Variants in RTN1 observed in about 807,000 individuals in gnomAD.
The protein encoded by RTN1 is reticulon 1, also known as reticulon-1.
A neutral mutation model predicts 65.5 loss-of-function variants in RTN1; 25 were observed. That is an observed-to-expected ratio of 0.38 (90% CI 0.28 to 0.53). RTN1 has a LOEUF of 0.53. Ranked by LOEUF, RTN1 falls within the 20% of genes least tolerant of loss-of-function variation. The probability of loss-of-function intolerance (pLI) is 0.79; values close to 1 mark genes in which losing one functional copy is unlikely to be tolerated. For synonymous variants in RTN1, 471 were observed against 447.6 expected (o/e 1.05, Z -0.66); for missense variants, 983 against 1,025.4 (o/e 0.96, Z 0.57).
At chr14:59,639,045 C>A (rs1882722969) in intron 3 of RTN1, among the ~76,000 whole-genome samples, 1 of 152,022 alleles carries the variant, frequency 6.6e-6, no homozygotes, top group Admixed American at 6.5e-5. Flanking sequence ...CACTTAGAAG[C>A]CACTGTAGGG....
At chr14:59,617,680 G>A (rs1465788239) in intron 3 of RTN1, among the ~76,000 whole-genome samples, 1 of 152,126 alleles carries the variant, frequency 6.6e-6, no homozygotes, top group African/African-American at 2.4e-5. Context: ...GCAAATCTTT[G>A]CTTTTAAAAC....
intron 1 of RTN1, among the ~76,000 whole-genome samples, chr14:59,807,776 C>T (rs1886663418): frequency 6.6e-6 from 1 of 152,112 alleles, no homozygotes; most frequent in South Asian, 2.1e-4. Context: ...CAAGAATGAC[C>T]AGACAAGTTA....
intron 3 of RTN1, among the ~76,000 whole-genome samples, chr14:59,676,030 T>C (rs1396989884): frequency 2.6e-5 from 4 of 152,192 alleles, no homozygotes; most frequent in African/African-American, 9.6e-5. Flanking sequence ...TCTCTTTGTT[T>C]TCTTGTTTGC....
chr14:59,797,101 C>T (rs536958434), intron 1 of RTN1, among the ~76,000 whole-genome samples: 1 of 152,230 alleles, frequency 6.6e-6, no homozygotes, highest in African/African-American at 2.4e-5. Flanking sequence ...TTAATATAAG[C>T]TCTTTGCTTC....
chr14:59,827,154 C>T (rs2139635839), intron 1 of RTN1, among the ~76,000 whole-genome samples: 1 of 152,290 alleles, frequency 6.6e-6, no homozygotes, highest in African/African-American at 2.4e-5. Context: ...TCTCGGCTCA[C>T]TGCGAGCTCT....
intron 3 of RTN1, among the ~76,000 whole-genome samples, chr14:59,668,264 C>G (rs947795176): frequency 5.9e-5 from 9 of 152,048 alleles, no homozygotes; most frequent in Non-Finnish European, 1.0e-4. Context: ...ATTTATAGAC[C>G]AATGGAACAG....
chr14:59,823,399 T>C (rs1193202678), intron 1 of RTN1, among the ~76,000 whole-genome samples: 1 of 152,260 alleles, frequency 6.6e-6, no homozygotes, highest in Non-Finnish European at 1.5e-5. Context: ...TTTGAGCCTA[T>C]GGGTGTCACT....
intron 3 of RTN1, among the ~76,000 whole-genome samples, chr14:59,689,315 A>G (rs1883909825): frequency 6.6e-6 from 1 of 152,234 alleles, no homozygotes; most frequent in Admixed American, 6.5e-5. Context: ...GGGATTAGGT[A>G]AAGTTACTAA....
intron 3 of RTN1, among the ~76,000 whole-genome samples, chr14:59,716,130 T>C (rs1375529366): frequency 6.6e-6 from 1 of 152,196 alleles, no homozygotes; most frequent in Non-Finnish European, 1.5e-5. Context: ...TTTACATCTA[T>C]ATACATTTTT....
chr14:59,823,699 T>C (rs1452547850), intron 1 of RTN1, among the ~76,000 whole-genome samples: 1 of 152,198 alleles, frequency 6.6e-6, no homozygotes, highest in Non-Finnish European at 1.5e-5. Context: ...TAGCTGCCTT[T>C]GAGGGTTTTT....
intron 1 of RTN1, among the ~76,000 whole-genome samples, chr14:59,809,405 AT>A (rs573795123): frequency 2.6e-3 from 378 of 144,440 alleles, no homozygotes; most frequent in South Asian, 0.013. Context: ...TTCTAGTGTC[AT>A]TTTTTTTTTT....
At chr14:59,788,931 T>A (rs887333671) in intron 1 of RTN1, among the ~76,000 whole-genome samples, 1 of 152,170 alleles carries the variant, frequency 6.6e-6, no homozygotes, top group African/African-American at 2.4e-5. Flanking sequence ...CTCTTTATTT[T>A]ATAATTTTCC....
rs1884462274 is a variant in RTN1, at chr14:59,713,254, T to C, written c.1765+13665A>G. Among the ~76,000 whole-genome samples, 3 of 152,026 alleles carry C rather than the reference T, an allele frequency of 2.0e-5. No individual in the cohort carries two copies. The South Asian group carries it at 6.2e-4, about 32-fold the overall frequency. Reference sequence around the variant, plus strand: ...CGATACGGTGTCTTGAGGGAGGGAATCTAGACAAGGGGCCACTGGTGGGGG... The same window carrying C: ...CGATACGGTGTCTTGAGGGAGGGAACCTAGACAAGGGGCCACTGGTGGGGG... On this transcript the variant is annotated intron_variant, in intron 3 of 8. Transcript: ENST00000267484.
chr14:59,833,367 G>A (rs746382430), intron 1 of RTN1, among the ~76,000 whole-genome samples: 5 of 152,094 alleles, frequency 3.3e-5, no homozygotes, highest in Non-Finnish European at 7.4e-5. Flanking sequence ...AAGTCTAAGA[G>A]GGACAGAAAT....
chr14:59,743,900 G>GT (rs1885163151), intron 2 of RTN1, among the ~76,000 whole-genome samples: 1 of 152,108 alleles, frequency 6.6e-6, no homozygotes, highest in African/African-American at 2.4e-5. Flanking sequence ...GTTTTTGTTT[G>GT]TTTTTTATTT....
intron 3 of RTN1, among the ~76,000 whole-genome samples, chr14:59,610,571 A>AC (rs1881916498): frequency 6.6e-6 from 1 of 152,230 alleles, no homozygotes; most frequent in Non-Finnish European, 1.5e-5. Context: ...ATGAGATCTA[A>AC]TTAACTAACT....
chr14:59,688,886 T>C (rs1883900945), intron 3 of RTN1, among the ~76,000 whole-genome samples: 1 of 151,928 alleles, frequency 6.6e-6, no homozygotes, highest in East Asian at 1.9e-4. Flanking sequence ...AAGGAACAAA[T>C]GCAAGAATTC....
At chr14:59,670,204 C>T (rs1337567345) in intron 3 of RTN1, among the ~76,000 whole-genome samples, 1 of 152,182 alleles carries the variant, frequency 6.6e-6, no homozygotes, top group East Asian at 1.9e-4. Context: ...TCAAAGTTTC[C>T]TTTGCAGAAT....
At chr14:59,695,060 C>T (rs1456873224) in intron 3 of RTN1, among the ~76,000 whole-genome samples, 1 of 152,138 alleles carries the variant, frequency 6.6e-6, no homozygotes, top group South Asian at 2.1e-4. Flanking sequence ...AACAGCAATA[C>T]CAGCTTCTCA....
Sources: gnomAD v4.1 joint callset for allele counts (sites outside exome capture counted in the v4.1 genomes callset) on GRCh38, gnomAD v4.1.1 for gene constraint, MANE v1.5 for transcripts, NCBI Gene and HGNC (gene_info 2026-07-23, HGNC 2026-07-21) for gene names.